Variants in TLCD4 observed in about 807,000 individuals in gnomAD.
TLCD4 encodes the protein TLC domain-containing protein 4.
A neutral mutation model predicts 24.2 loss-of-function variants in TLCD4; 7 were observed. The ratio of observed to expected loss-of-function variants is 0.29; its 90% CI spans 0.16 to 0.54. The LOEUF is 0.54. TLCD4 is among the 20% of genes least tolerant of loss of function. The probability of loss-of-function intolerance (pLI) is 0.95; values close to 1 mark genes in which losing one functional copy is unlikely to be tolerated. For synonymous variants in TLCD4, 103 were observed against 106.4 expected (o/e 0.97, Z 0.20); for missense variants, 259 against 313.9 (o/e 0.82, Z 1.32).
intron 1 of TLCD4, among the ~76,000 whole-genome samples, chr1:95,133,067 A>C (rs1017742462): frequency 2.0e-5 from 3 of 152,180 alleles, no homozygotes; most frequent in Non-Finnish European, 4.4e-5. Context: ...GGAGAGAGAG[A>C]GAGCGCAAGT....
chr1:95,173,951 T>C lies in TLCD4; in HGVS notation c.473+62T>C, dbSNP rs932141987. ...GCTGTTTATTTTTAGTTTGGGCAAA[T>C]CCTTTTCCCGTGATCCTCAAGTTAC... On this transcript the variant is annotated intron_variant, in intron 6 of 6. Transcript: ENST00000370203. 1.9e-5 allele frequency: 30 copies of C among 1,601,496 alleles called. No homozygotes were observed. The African/African-American group carries it at 3.7e-4, about 20-fold the overall frequency.
intron 6 of TLCD4, among the ~76,000 whole-genome samples, chr1:95,179,350 G>A (rs781453938): frequency 1.3e-5 from 2 of 152,178 alleles, no homozygotes; most frequent in African/African-American, 2.4e-5. Flanking sequence ...ACCATGCATG[G>A]CTCATGGGCC....
intron 3 of TLCD4, among the ~76,000 whole-genome samples, 153 bp from the exon 4 acceptor site, chr1:95,150,055 A>G (rs946590904): frequency 2.0e-5 from 3 of 152,144 alleles, no homozygotes; most frequent in Admixed American, 2.0e-4. Context: ...CTAAACTGTC[A>G]TTGTGTGTTT....
chr1:95,174,874 C>T (rs747507658), intron 6 of TLCD4, among the ~76,000 whole-genome samples: 2 of 152,160 alleles, frequency 1.3e-5, no homozygotes, highest in Non-Finnish European at 2.9e-5. Flanking sequence ...CTCCTAGGTT[C>T]AGGTGATTCT....
At chr1:95,114,645 C>G (rs965087898), upstream of TLCD4, among the ~76,000 whole-genome samples, 1 of 152,042 alleles carries the variant, frequency 6.6e-6, no homozygotes, top group East Asian at 1.9e-4. Context: ...GCCTAGCCAA[C>G]ATGGTGAAAC....
chr1:95,101,396 G>T, the TLCD4 span, among the ~76,000 whole-genome samples: 1 of 147,434 alleles, frequency 6.8e-6, no homozygotes, highest in Admixed American at 7.0e-5. Context: ...GTGCCATTGT[G>T]CCTGACTAAT....
In TLCD4 at chr1:95,191,590, G is replaced by A; in HGVS notation, c.514G>A (p.Ala172Thr). The A allele has an allele frequency of 6.2e-7, 1 of 1,613,660 alleles. No individual in the cohort carries two copies. The highest frequency in any genetic ancestry group is 1.7e-5 in the Admixed American group (1 of 59,978). Residue 172 changes from alanine (A) to threonine (T), a missense_variant, in exon 7 of 7, where the codon GCT becomes ACT. Transcript: ENST00000370203. ...TCTGAAGTATCCCAAGTTTTCTAAA[G>A]CTATCGTTATCAATGGAATACTCAT... ...EALKYPKFSK[A>T]IVINGILMTV...
chr1:95,164,578 C>T (rs1677948940), intron 5 of TLCD4: 1 of 152,268 alleles, frequency 6.6e-6, no homozygotes, highest in African/African-American at 2.4e-5. Flanking sequence ...CTGTGTCGCT[C>T]ATACTGGGAG....
intron 5 of TLCD4, among the ~76,000 whole-genome samples, chr1:95,154,707 A>G (rs920422559): frequency 1.3e-5 from 2 of 152,058 alleles, no homozygotes; most frequent in Non-Finnish European, 2.9e-5. Context: ...TCTCTGTCTT[A>G]TAAGCAAATA....
At chr1:95,092,992 GCCTCCCAGAGTGCTGGGA>G in the TLCD4 span, among the ~76,000 whole-genome samples, 3 of 152,228 alleles carry the variant, frequency 2.0e-5, no homozygotes, top group Non-Finnish European at 4.4e-5. Context: ...GCCCACCTCA[GCCTCCCAGAGTGCTGGGA>G]TTACAGGTGT....
intron 1 of TLCD4, among the ~76,000 whole-genome samples, chr1:95,127,470 A>C (rs1257957851): frequency 6.6e-6 from 1 of 152,166 alleles, no homozygotes; most frequent in Admixed American, 6.5e-5. Flanking sequence ...TAAAAAAAGA[A>C]CAAAATATAT....
At chr1:95,152,454 C>T (rs966725432) in intron 5 of TLCD4, among the ~76,000 whole-genome samples, 2 of 152,032 alleles carry the variant, frequency 1.3e-5, no homozygotes, top group African/African-American at 4.8e-5. Flanking sequence ...ACCATTTAAG[C>T]TGTTTGCAGT....
At chr1:95,122,075 A>G (rs1045959020) in intron 1 of TLCD4, among the ~76,000 whole-genome samples, 5 of 152,248 alleles carry the variant, frequency 3.3e-5, no homozygotes, top group Admixed American at 2.6e-4. Context: ...GAGGAAAAGT[A>G]CACAGGTGGC....
intron 1 of TLCD4, among the ~76,000 whole-genome samples, chr1:95,132,181 G>A (rs959358006): frequency 3.9e-5 from 6 of 152,104 alleles, no homozygotes; most frequent in African/African-American, 9.7e-5. Flanking sequence ...CCAGATGGGC[G>A]TGGTGGCTCA....
At chr1:95,139,325 A>G (rs939513806) in intron 1 of TLCD4, among the ~76,000 whole-genome samples, 1 of 151,958 alleles carries the variant, frequency 6.6e-6, no homozygotes, top group Non-Finnish European at 1.5e-5. Context: ...ATTACTGAAC[A>G]TTACTGTAGG....
chr1:95,095,298 A>G, the TLCD4 span, among the ~76,000 whole-genome samples: 13 of 152,220 alleles, frequency 8.5e-5, no homozygotes, highest in African/African-American at 3.1e-4. Flanking sequence ...GTAAAGTGAC[A>G]AACTTGTGCT....
chr1:95,120,858 G>A lies in TLCD4; in HGVS notation c.-12+3241G>A, dbSNP rs114820820. ...GTCTGTGTTCTTAAAAACTCATAAC[G>A]TGTTAGTGGATCACAGTCCACTATT... On this transcript the variant is annotated intron_variant, in intron 1 of 6. Transcript: ENST00000370203. Among the ~76,000 whole-genome samples the A allele has an allele frequency of 6.0e-3, 907 of 152,272 alleles. 9 individuals carry two copies. The highest frequency in any genetic ancestry group is 0.021 in the African/African-American group (871 of 41,528).
Position 95,144,014 on chromosome 1 carries a change from T to A in TLCD4, c.113T>A (p.Phe38Tyr). ...YWFSAKVSPG[F>Y]NSLSFKKKIE... Reference sequence around the variant, plus strand: ...TTTTCAGCAAAAGTTTCTCCAGGTTTCAATAGTCTCAGCTTCAAAAAGAAG... The same window carrying A: ...TTTTCAGCAAAAGTTTCTCCAGGTTACAATAGTCTCAGCTTCAAAAAGAAG... Residue 38 changes from phenylalanine to tyrosine, a missense_variant, in exon 2 of 7, where the codon TTC becomes TAC. Transcript: ENST00000370203. 6.4e-7 allele frequency: 1 copy of A among 1,565,892 alleles called. No homozygotes were observed. Among genetic ancestry groups the A allele is most frequent in the Non-Finnish European group, 8.6e-7 (1 of 1,157,756 alleles).
In TLCD4 at chr1:95,194,985, G is replaced by A. The variant is rs368581989; in HGVS notation, c.*3117G>A. The A allele has an allele frequency of 3.3e-5, 5 of 152,214 alleles. No homozygotes were observed. The highest frequency in any genetic ancestry group is 2.1e-4 in the South Asian group (1 of 4,828). 9.4% of individuals were successfully genotyped at this position (152,214 alleles called of 1,614,324 possible). A position where few individuals can be genotyped will look rare whatever the true frequency, so the allele number is the denominator to read the frequency against. On this transcript the variant is annotated 3_prime_UTR_variant, in exon 7 of 7. Coordinates refer to ENST00000370203, the MANE Select transcript of TLCD4 (RefSeq NM_152487.3). Reference sequence around the variant, plus strand: ...TTATTATTTCATGGACTAGCCTTACGTTAAGTGAAATACTATTTATGTTGT... The same window carrying A: ...TTATTATTTCATGGACTAGCCTTACATTAAGTGAAATACTATTTATGTTGT...
Sources: gnomAD v4.1 joint callset for allele counts (sites outside exome capture counted in the v4.1 genomes callset) on GRCh38, gnomAD v4.1.1 for gene constraint, MANE v1.5 for transcripts, NCBI Gene and HGNC (gene_info 2026-07-23, HGNC 2026-07-21) for gene names.